The following CABYR variants were observed in gnomAD, a reference collection of about 807,000 sequenced individuals.
The protein encoded by CABYR is calcium binding tyrosine phosphorylation regulated.
Under a neutral mutation model 36.1 loss-of-function variants are expected in CABYR, and 31 were observed. The ratio of observed to expected loss-of-function variants is 0.86; its 90% CI spans 0.64 to 1.16. The LOEUF is 1.16. Among genes scored for constraint, CABYR ranks in the 50% most tolerant of loss-of-function variants. The probability of loss-of-function intolerance (pLI) is 0.00; values close to 1 mark genes in which losing one functional copy is unlikely to be tolerated. For synonymous variants in CABYR, 146 were observed against 160.7 expected, an observed-to-expected ratio of 0.91 and a Z score of 0.69; for missense variants, 429 against 455.8, an observed-to-expected ratio of 0.94 and a Z score of 0.53.
chr18:24,161,531 T>C lies in CABYR; in HGVS notation c.*15T>C. On this transcript the variant is annotated 3_prime_UTR_variant, in exon 6 of 6. Transcript: ENST00000399496. ...TTCCTAACAGATCCAGAAATGACGC[T>C]GTCTGGGTCAACATTTCAGGGAGGA... 1.3e-6 allele frequency: 1 copy of C among 780,696 alleles called. No individual in the cohort carries two copies. Among genetic ancestry groups the C allele is most frequent in the Non-Finnish European group, 2.4e-6 (1 of 417,980 alleles). 48.4% of individuals were successfully genotyped at this position (780,696 alleles called of 1,614,324 possible).
Position 24,159,543 on chromosome 18 carries a change from A to G in CABYR, c.613A>G (p.Lys205Glu), listed in dbSNP as rs749150049. ...NMWTLYCLTD[K>E]NQQGHPSPPP... ...GTGGACCCTTTATTGTCTAACTGAT[A>G]AGAATCAACAAGGTCACCCATCACC... The change falls in exon 5 of 6, where the codon AAG becomes GAG. Residue 205 changes from lysine (K) to glutamate (E), a missense_variant. Physicochemically the swap from Lys to Glu is moderately conservative, Grantham distance 56. Coordinates refer to ENST00000399496, the MANE Select transcript of CABYR (RefSeq NM_153769.3). 12 of 1,613,968 alleles carry G rather than the reference A, an allele frequency of 7.4e-6. No individual in the cohort carries two copies. The highest frequency in any genetic ancestry group is 2.2e-5 in the East Asian group (1 of 44,900).
rs747350083 is a variant in CABYR at position 24,143,271 on chromosome 18, C to T, written c.145+12C>T. 52 of 1,603,124 alleles carry T rather than the reference C, an allele frequency of 3.2e-5. No homozygotes were observed. Among genetic ancestry groups the T allele is most frequent in the Non-Finnish European group, 3.5e-5 (41 of 1,176,594 alleles). On this transcript the variant is annotated intron_variant, in intron 2 of 5. Transcript: ENST00000399496. ...TACTATGTATAGAGGTTTGTTATTC[C>T]TTTATATATTTGCTGCTTTGAAAAA...
In CABYR at chr18:24,141,793, G is replaced by C. The variant is rs1403134633; in HGVS notation, c.-24-1298G>C. Among the ~76,000 whole-genome samples the C allele has an allele frequency of 1.3e-5, 2 of 152,136 alleles. 1 individual carries two copies. Among genetic ancestry groups the C allele is most frequent in the Admixed American group, 1.3e-4 (2 of 15,262 alleles). On this transcript the variant is annotated intron_variant, in intron 1 of 5. Coordinates refer to ENST00000399496, the MANE Select transcript of CABYR (RefSeq NM_153769.3). ...AACTCTGAGAATTACAGGTTGGTCT[G>C]TGCAGTATCTCTGATACCACTTAAA...
chr18:24,149,274 A>G (rs1189604704), intron 3 of CABYR, among the ~76,000 whole-genome samples: 1 of 150,440 alleles, frequency 6.6e-6, no homozygotes, highest in Non-Finnish European at 1.5e-5. Flanking sequence ...ACAATCCCTG[A>G]GCTAGACATA....
chr18:24,143,336 GA>G, intron 2 of CABYR, 23 bp from the exon 3 acceptor site: 5 of 1,593,454 alleles, frequency 3.1e-6, no homozygotes, highest in Non-Finnish European at 3.4e-6. Context: ...ATCTGTATTT[GA>G]TTTCCTGTAT....
At chr18:24,141,999 C>T (rs2085333526) in intron 1 of CABYR, among the ~76,000 whole-genome samples, 1 of 151,900 alleles carries the variant, frequency 6.6e-6, no homozygotes, top group Admixed American at 6.6e-5. Context: ...CTGAAAAAAC[C>T]CCAAAATTTA....
Position 24,161,564 on chromosome 18 carries a change from A to T in CABYR, c.*48A>T. The T allele has an allele frequency of 1.3e-6, 1 of 779,662 alleles. No individual in the cohort carries two copies. The highest frequency in any genetic ancestry group is 2.4e-6 in the Non-Finnish European group (1 of 417,676). The allele number at this position is 779,662 out of a possible 1,614,324, so 48.3% of individuals were successfully genotyped here. ...TCAACATTTCAGGGAGGAGTCTGCC[A>T]CCAGTGTAATGTATCAATAAACTTC... On this transcript the variant is annotated 3_prime_UTR_variant, in exon 6 of 6. Coordinates refer to ENST00000399496, the MANE Select transcript of CABYR (RefSeq NM_153769.3).
At chr18:24,145,000 T>C (rs1291701772) in intron 3 of CABYR, among the ~76,000 whole-genome samples, 5 of 152,248 alleles carry the variant, frequency 3.3e-5, no homozygotes, top group Admixed American at 6.5e-5. Flanking sequence ...TTTGTAATCA[T>C]TGCAATCATC....
intron 4 of CABYR, chr18:24,156,281 C>T (rs547840748): frequency 2.4e-4 from 386 of 1,614,074 alleles, no homozygotes; most frequent in Non-Finnish European, 3.1e-4. Context: ...CAACGGCTTC[C>T]TCAGTCCCCT....
chr18:24,153,597 C>T (rs2085693985), intron 3 of CABYR, among the ~76,000 whole-genome samples: 1 of 152,038 alleles, frequency 6.6e-6, no homozygotes, highest in African/African-American at 2.4e-5. Flanking sequence ...TTCTTATGTC[C>T]CTTTTCTCCC....
intron 4 of CABYR, among the ~76,000 whole-genome samples, chr18:24,158,110 A>G: frequency 6.6e-6 from 1 of 152,144 alleles, no homozygotes; most frequent in Non-Finnish European, 1.5e-5. Context: ...CTGTTTTCAA[A>G]TGCTTAACTA....
intron 3 of CABYR, among the ~76,000 whole-genome samples, chr18:24,147,386 T>C (rs569880009): frequency 3.9e-4 from 59 of 152,014 alleles, no homozygotes; most frequent in Non-Finnish European, 7.4e-4. Flanking sequence ...GAATATTGAA[T>C]GCCTTCCCCT....
At chr18:24,146,559 G>A (rs1236307475) in intron 3 of CABYR, among the ~76,000 whole-genome samples, 1 of 151,074 alleles carries the variant, frequency 6.6e-6, no homozygotes, top group Admixed American at 6.6e-5. Context: ...AAAAAAAAAG[G>A]TCTATGTCAT....
At chr18:24,149,618 G>A (rs1468610263) in intron 3 of CABYR, among the ~76,000 whole-genome samples, 1 of 152,234 alleles carries the variant, frequency 6.6e-6, no homozygotes, top group African/African-American at 2.4e-5. Context: ...GTGCTCATCG[G>A]GGAGGCTCGG....
At chr18:24,144,539 G>A (rs932266390) in intron 3 of CABYR, among the ~76,000 whole-genome samples, 1 of 152,200 alleles carries the variant, frequency 6.6e-6, no homozygotes, top group Non-Finnish European at 1.5e-5. Context: ...GAGGCGGGAG[G>A]AGGATCACTT....
chr18:24,142,645 T>G (rs1448371479), intron 1 of CABYR, among the ~76,000 whole-genome samples: 1 of 37,406 alleles, frequency 2.7e-5, no homozygotes, highest in African/African-American at 5.3e-5. Flanking sequence ...GGGTTGTGTG[T>G]TTTTTTTTTT....
In CABYR at chr18:24,159,605, C is replaced by CTATT; in HGVS notation, c.678_681dup (p.Pro228PhefsTer3). On this transcript the variant is annotated frameshift_variant, in exon 5 of 6. Transcript: ENST00000399496. LOFTEE classifies it high-confidence loss of function. The stretch of plus-strand genomic sequence containing the variant: ...CTGGGCCTTTTCCCCAAGCAACCCT[C>CTATT]TATTTACCTAATCCTAAGGATCCAC... 1 of 1,614,144 alleles carries CTATT rather than the reference C, an allele frequency of 6.2e-7. No individual in the cohort carries two copies. Among genetic ancestry groups the CTATT allele is most frequent in the African/African-American group, 1.3e-5 (1 of 75,010 alleles).
At chr18:24,149,073 T>G (rs547122673) in intron 3 of CABYR, among the ~76,000 whole-genome samples, 6 of 152,016 alleles carry the variant, frequency 3.9e-5, no homozygotes, top group African/African-American at 1.4e-4. Context: ...GAGCTAGACA[T>G]AAAGGTTCTC....
rs746664829 is a variant in CABYR, at chr18:24,156,274, C to T, written c.541+232C>T. On this transcript the variant is annotated intron_variant, in intron 4 of 5. Transcript: ENST00000399496. ...AAAGAAAATGAGGCTGAACCATCAACGGCTTCCTCAGTCCCCTTGCAGGAT... is the reference window on the plus strand; with the variant it reads ...AAAGAAAATGAGGCTGAACCATCAATGGCTTCCTCAGTCCCCTTGCAGGAT... 18 of 1,614,040 alleles carry T rather than the reference C, an allele frequency of 1.1e-5. No homozygotes were observed. The highest frequency in any genetic ancestry group is 9.3e-5 in the African/African-American group (7 of 74,920).
Sources: allele counts gnomAD v4.1 joint callset (sites outside exome capture counted in the v4.1 genomes callset), GRCh38; gene constraint gnomAD v4.1.1; transcripts MANE v1.5; gene names NCBI Gene and HGNC (gene_info 2026-07-23, HGNC 2026-07-21).